The following CSMD1 variants were observed in gnomAD, a reference collection of about 807,000 sequenced individuals.
CSMD1 encodes CUB and Sushi multiple domains 1, also known as CUB and sushi domain-containing protein 1.
CSMD1 carries 213 observed loss-of-function variants against 417.5 expected under a neutral mutation model. The observed-to-expected ratio is 0.51, with a 90% confidence interval of 0.46 to 0.57. CSMD1 has a LOEUF of 0.57. Among genes scored for constraint, CSMD1 ranks in the 20% least tolerant of loss-of-function variants. The probability of loss-of-function intolerance (pLI) is 0.00; values close to 1 mark genes in which losing one functional copy is unlikely to be tolerated. For synonymous variants in CSMD1, 2,862 were observed against 1,736.8 expected (o/e 1.65, Z -16.11); for missense variants, 6,923 against 4,529.7 (o/e 1.53, Z -15.17).
intron 3 of CSMD1, among the ~76,000 whole-genome samples, chr8:4,332,989 C>T (rs954241089): frequency 4.0e-5 from 6 of 148,446 alleles, no homozygotes; most frequent in Admixed American, 6.7e-5. Context: ...TTGAGGTAAA[C>T]GTCATATGAA....
intron 3 of CSMD1, among the ~76,000 whole-genome samples, chr8:4,322,932 C>G (rs564862927): frequency 6.6e-6 from 1 of 152,296 alleles, no homozygotes; most frequent in Non-Finnish European, 1.5e-5. Context: ...TTGCAGTGAG[C>G]CTAGATCGTG....
chr8:3,104,144 C>T (rs945814350), intron 46 of CSMD1, among the ~76,000 whole-genome samples: 1 of 152,140 alleles, frequency 6.6e-6, no homozygotes, highest in Non-Finnish European at 1.5e-5. Context: ...TTCTGAGAAA[C>T]TTGAGGCTTT....
At chr8:4,724,116 T>G (rs1460454666) in intron 1 of CSMD1, among the ~76,000 whole-genome samples, 1 of 152,196 alleles carries the variant, frequency 6.6e-6, no homozygotes, top group Non-Finnish European at 1.5e-5. Context: ...GTCATTTTCC[T>G]GTAAGACAAC....
intron 2 of CSMD1, among the ~76,000 whole-genome samples, chr8:4,551,280 C>A (rs1797858875): frequency 6.6e-6 from 1 of 152,192 alleles, no homozygotes; most frequent in Admixed American, 6.5e-5. Context: ...ATCCAACTGA[C>A]TCAAGGCTGT....
intron 1 of CSMD1, among the ~76,000 whole-genome samples, chr8:4,905,279 G>C (rs1805167314): frequency 6.6e-6 from 1 of 152,116 alleles, no homozygotes; most frequent in South Asian, 2.1e-4. Context: ...ATTTGCTGAA[G>C]TTTAGGGTGC....
intron 68 of CSMD1, among the ~76,000 whole-genome samples, chr8:2,946,507 C>T (rs1802248742): frequency 6.6e-6 from 1 of 152,110 alleles, no homozygotes. Flanking sequence ...CTTTTTTTAT[C>T]TGGCTTCCTT....
At chr8:4,929,468 T>A (rs143747040) in intron 1 of CSMD1, among the ~76,000 whole-genome samples, 29 of 152,252 alleles carry the variant, frequency 1.9e-4, no homozygotes, top group African/African-American at 6.7e-4. Context: ...TAACTATGCA[T>A]AGGGTCGTGA....
At chr8:3,803,707 G>C (rs749689722) in intron 5 of CSMD1, among the ~76,000 whole-genome samples, 1 of 152,168 alleles carries the variant, frequency 6.6e-6, no homozygotes, top group Non-Finnish European at 1.5e-5. Context: ...TAGGAGTTTG[G>C]ATTTTATTCA....
At chr8:3,049,509 T>G (rs11990503) in intron 50 of CSMD1, among the ~76,000 whole-genome samples, 18 of 151,752 alleles carry the variant, frequency 1.2e-4, no homozygotes, top group African/African-American at 2.7e-4. Flanking sequence ...TGATTCCCAA[T>G]ATATGACATT....
At chr8:3,261,813 C>T (rs1435797048) in intron 26 of CSMD1, among the ~76,000 whole-genome samples, 1 of 152,046 alleles carries the variant, frequency 6.6e-6, no homozygotes, top group Admixed American at 6.6e-5. Flanking sequence ...TCTGGAAGTA[C>T]AGAATAGATG....
intron 5 of CSMD1, among the ~76,000 whole-genome samples, chr8:3,830,305 A>T (rs1057242422): frequency 3.3e-5 from 5 of 152,222 alleles, no homozygotes; most frequent in Non-Finnish European, 5.9e-5. Flanking sequence ...GGGGCAAACT[A>T]AGCGTCAGCC....
At chr8:4,651,470 G>C (rs971072858) in intron 1 of CSMD1, among the ~76,000 whole-genome samples, 3 of 152,034 alleles carry the variant, frequency 2.0e-5, no homozygotes, top group Admixed American at 1.3e-4. Context: ...TATACTGGTG[G>C]GGGGAGGAAT....
chr8:4,565,983 G>A (rs1033683721), intron 2 of CSMD1, among the ~76,000 whole-genome samples: 2 of 151,240 alleles, frequency 1.3e-5, no homozygotes, highest in African/African-American at 2.4e-5. Context: ...CTATATTTGG[G>A]TCTATTGAAC....
At chr8:3,864,614 C>G (rs561124500) in intron 5 of CSMD1, among the ~76,000 whole-genome samples, 11 of 152,186 alleles carry the variant, frequency 7.2e-5, no homozygotes, top group African/African-American at 2.4e-4. Context: ...GTTATCCCTC[C>G]CCAGTAACCC....
chr8:4,412,411 T>A (rs370536516), intron 3 of CSMD1, among the ~76,000 whole-genome samples: 4 of 152,282 alleles, frequency 2.6e-5, no homozygotes, highest in African/African-American at 9.6e-5. Flanking sequence ...TGGCTCCTCC[T>A]TTGCCTTCTA....
At chr8:3,150,577 T>TATTCATTC (rs111736662) in intron 40 of CSMD1, among the ~76,000 whole-genome samples, 5 of 152,112 alleles carry the variant, frequency 3.3e-5, no homozygotes, top group African/African-American at 9.7e-5. Flanking sequence ...TTTATGGTTG[T>TATTCATTC]ATTCATTCAT....
At chr8:4,238,256 T>A (rs1339574392) in intron 3 of CSMD1, among the ~76,000 whole-genome samples, 2 of 152,196 alleles carry the variant, frequency 1.3e-5, no homozygotes, top group South Asian at 2.1e-4. Flanking sequence ...GACCCTGTGA[T>A]TCTTTCACTA....
intron 4 of CSMD1, among the ~76,000 whole-genome samples, chr8:4,018,061 G>C (rs993067652): frequency 2.1e-5 from 3 of 145,398 alleles, no homozygotes; most frequent in Non-Finnish European, 4.5e-5. Flanking sequence ...GTGTGGGTAT[G>C]TATGCTTGCA....
chr8:3,514,278 A>C (rs1348638725), intron 10 of CSMD1, among the ~76,000 whole-genome samples: 3 of 152,152 alleles, frequency 2.0e-5, no homozygotes, highest in Non-Finnish European at 4.4e-5. Flanking sequence ...TAAATGGTGC[A>C]ACATAGAGAC....
Sources: gnomAD v4.1 joint callset for allele counts (sites outside exome capture counted in the v4.1 genomes callset) on GRCh38, gnomAD v4.1.1 for gene constraint, MANE v1.5 for transcripts, NCBI Gene and HGNC (gene_info 2026-07-23, HGNC 2026-07-21) for gene names.